SGCE: variants seen among roughly 807,000 people sequenced by gnomAD.
SGCE encodes the protein sarcoglycan epsilon, also known as epsilon-sarcoglycan.
In SGCE, 26 loss-of-function variants were observed where a neutral mutation model predicts 57.8. That is an observed-to-expected ratio of 0.45 (90% CI 0.33 to 0.62). SGCE has a LOEUF of 0.62. Ranked by LOEUF, SGCE falls within the 20% of genes least tolerant of loss-of-function variation. SGCE has a pLI of 0.02. For synonymous variants in SGCE, 183 were observed against 189.5 expected (o/e 0.97, Z 0.28); for missense variants, 468 against 548.6 (o/e 0.85, Z 1.47).
chr7:94,647,119 C>A (rs1172824741), intron 1 of SGCE, among the ~76,000 whole-genome samples: 1 of 152,206 alleles, frequency 6.6e-6, no homozygotes, highest in Non-Finnish European at 1.5e-5. Context: ...AAGGCTACAT[C>A]ATTTTCTGCT....
intron 5 of SGCE, among the ~76,000 whole-genome samples, chr7:94,616,285 A>C (rs138184264): frequency 1.3e-5 from 2 of 152,266 alleles, no homozygotes; most frequent in Non-Finnish European, 2.9e-5. Context: ...GAAATATGAA[A>C]AATTTTGCAC....
At chr7:94,615,850 C>G (rs573025950) in intron 5 of SGCE, among the ~76,000 whole-genome samples, 7 of 152,344 alleles carry the variant, frequency 4.6e-5, no homozygotes, top group Admixed American at 1.3e-4. Context: ...CTTCTTCCCA[C>G]CAGCTTTATC....
chr7:94,588,066 T>G, intron 10 of SGCE: 1 of 1,336,802 alleles, frequency 7.5e-7, no homozygotes, highest in Non-Finnish European at 9.5e-7. Context: ...AAGACAATCA[T>G]GAATAAGTTA....
intron 3 of SGCE, chr7:94,624,445 T>A: frequency 2.6e-6 from 1 of 379,748 alleles, no homozygotes; most frequent in Non-Finnish European, 4.7e-6. Context: ...AAGGTATATA[T>A]TTTGAAAGGC....
intron 1 of SGCE, among the ~76,000 whole-genome samples, chr7:94,633,177 G>A (rs1025899871): frequency 2.0e-5 from 3 of 151,584 alleles, no homozygotes; most frequent in Non-Finnish European, 2.9e-5. Context: ...GCAAACATAC[G>A]CCACTAGATA....
At chr7:94,609,766 G>A (rs1246359035) in intron 5 of SGCE, among the ~76,000 whole-genome samples, 1 of 152,200 alleles carries the variant, frequency 6.6e-6, no homozygotes, top group Non-Finnish European at 1.5e-5. Flanking sequence ...TGGTGGGAAT[G>A]CAAGATGGTG....
At chr7:94,585,808 C>T (rs1361565253) in intron 10 of SGCE, among the ~76,000 whole-genome samples, 1 of 151,882 alleles carries the variant, frequency 6.6e-6, no homozygotes, top group African/African-American at 2.4e-5. Context: ...AGGTTAACTG[C>T]AGGATGTATA....
At position 94,587,348 on chromosome 7, in the gene SGCE, A is replaced by G. The variant is rs1030453902; in HGVS notation, c.1297+1341T>C. The G allele has an allele frequency of 4.9e-6, 5 of 1,020,712 alleles. No individual in the cohort carries two copies. In the African/African-American group the frequency reaches 6.8e-5, roughly 14 times the overall value. The allele number at this position is 1,020,712 out of a possible 1,614,324, so 63.2% of individuals were successfully genotyped here. The stretch of plus-strand genomic sequence containing the variant: ...GTAAAATCTGGATTTTTAAATACTC[A>G]AAATAAATATTTACTGTTTTTCTAG... On this transcript the variant is annotated intron_variant, in intron 10 of 10. Transcript: ENST00000648936.
intron 1 of SGCE, among the ~76,000 whole-genome samples, chr7:94,633,992 A>G (rs1189790259): frequency 1.3e-5 from 2 of 152,170 alleles, no homozygotes; most frequent in Non-Finnish European, 2.9e-5. Context: ...ACAACTGAGT[A>G]TAAGACCCTG....
intron 5 of SGCE, among the ~76,000 whole-genome samples, chr7:94,605,911 C>G (rs1388534726): frequency 6.6e-6 from 1 of 152,002 alleles, no homozygotes; most frequent in Non-Finnish European, 1.5e-5. Context: ...TCACTGCAAC[C>G]TCTGCCTCCT....
At chr7:94,606,165 C>T (rs1800109557) in intron 5 of SGCE, among the ~76,000 whole-genome samples, 1 of 151,968 alleles carries the variant, frequency 6.6e-6, no homozygotes, top group Admixed American at 6.6e-5. Context: ...TCTAAATACC[C>T]CATTGAAAAG....
chr7:94,608,272 G>T (rs1388052427), intron 5 of SGCE, among the ~76,000 whole-genome samples: 1 of 152,146 alleles, frequency 6.6e-6, no homozygotes, highest in Non-Finnish European at 1.5e-5. Flanking sequence ...GGAGGCAGAG[G>T]TTGCAGTGAG....
chr7:94,630,633 T>C (rs1389711788), intron 1 of SGCE, among the ~76,000 whole-genome samples: 1 of 151,892 alleles, frequency 6.6e-6, no homozygotes, highest in Non-Finnish European at 1.5e-5. Flanking sequence ...TTGATTAGTT[T>C]CCACTTATTG....
chr7:94,630,027 G>A, intron 1 of SGCE, 186 bp from the exon 2 acceptor site: 1 of 594,328 alleles, frequency 1.7e-6, no homozygotes, highest in Non-Finnish European at 2.8e-6. Flanking sequence ...AGGACAAAAT[G>A]GGAAAAAATT....
At chr7:94,587,664 C>G in intron 10 of SGCE, 1 of 1,506,050 alleles carries the variant, frequency 6.6e-7, no homozygotes, top group Non-Finnish European at 8.8e-7. Context: ...ATATATTGAA[C>G]AGTCTTGTTG....
At chr7:94,637,256 T>C (rs1377778121) in intron 1 of SGCE, among the ~76,000 whole-genome samples, 1 of 148,850 alleles carries the variant, frequency 6.7e-6, no homozygotes, top group Non-Finnish European at 1.5e-5. Context: ...CTAGTATTTG[T>C]TATTATAATT....
At chr7:94,585,578 G>T in intron 10 of SGCE, 63 bp from the exon 11 acceptor site, 1 of 1,099,100 alleles carries the variant, frequency 9.1e-7, no homozygotes, top group South Asian at 1.2e-5. Flanking sequence ...TTTAGATTTT[G>T]AGCAAAGCAA....
intron 1 of SGCE, among the ~76,000 whole-genome samples, chr7:94,648,247 T>C (rs1461288717): frequency 6.6e-6 from 1 of 151,562 alleles, no homozygotes; most frequent in Non-Finnish European, 1.5e-5. Flanking sequence ...TGGTGGCGGG[T>C]GCCTGTAATC....
In SGCE at chr7:94,618,975, G is replaced by A; in HGVS notation, c.464-19C>T. On this transcript the variant is annotated intron_variant, in intron 4 of 10. Transcript: ENST00000648936. ...GGGAAGTCTAATTTTGGTGAAAAAGGGCATGCATATCTTTAATGAAGTAGT... is the reference window on the plus strand; with the variant it reads ...GGGAAGTCTAATTTTGGTGAAAAAGAGCATGCATATCTTTAATGAAGTAGT... 6.5e-7 allele frequency: 1 copy of A among 1,528,938 alleles called. No individual in the cohort carries two copies. The highest frequency in any genetic ancestry group is 1.1e-5 in the South Asian group (1 of 89,416). The allele number at this position is 1,528,938 out of a possible 1,614,324, so 94.7% of individuals were successfully genotyped here.
Sources: gnomAD v4.1 joint callset for allele counts (sites outside exome capture counted in the v4.1 genomes callset) on GRCh38, gnomAD v4.1.1 for gene constraint, MANE v1.5 for transcripts, NCBI Gene and HGNC (gene_info 2026-07-23, HGNC 2026-07-21) for gene names.